The following POU6F2 variants were observed in gnomAD, a reference collection of about 807,000 sequenced individuals.
The protein encoded by POU6F2 is POU class 6 homeobox 2.
A neutral mutation model predicts 71.3 loss-of-function variants in POU6F2; 31 were observed. The ratio of observed to expected loss-of-function variants is 0.43; its 90% CI spans 0.33 to 0.59. The LOEUF is 0.59. Ranked by LOEUF, POU6F2 falls within the 20% of genes least tolerant of loss-of-function variation. The probability of loss-of-function intolerance (pLI) is 0.04; values close to 1 mark genes in which losing one functional copy is unlikely to be tolerated. For missense variants in POU6F2, 783 were observed against 856.8 expected, an observed-to-expected ratio of 0.91 and a Z score of 1.07; for synonymous variants, 347 against 355.7, an observed-to-expected ratio of 0.98 and a Z score of 0.27.
At chr7:39,270,757 C>T (rs1001865189) in intron 4 of POU6F2, among the ~76,000 whole-genome samples, 2 of 152,124 alleles carry the variant, frequency 1.3e-5, no homozygotes, top group African/African-American at 4.8e-5. Flanking sequence ...TATCAATTAG[C>T]TTACACATCT....
chr7:39,370,686 G>T (rs954897860), intron 5 of POU6F2, among the ~76,000 whole-genome samples: 2 of 152,238 alleles, frequency 1.3e-5, no homozygotes, highest in Non-Finnish European at 2.9e-5. Flanking sequence ...CATAGCTCAA[G>T]TGTTATTCTG....
At chr7:39,362,022 A>T (rs571621747) in intron 5 of POU6F2, among the ~76,000 whole-genome samples, 7 of 152,300 alleles carry the variant, frequency 4.6e-5, no homozygotes, top group African/African-American at 1.4e-4. Context: ...GGCTGCCATT[A>T]TCTGGTGGTG....
intron 5 of POU6F2, among the ~76,000 whole-genome samples, chr7:39,357,482 C>G (rs1402111136): frequency 6.6e-6 from 1 of 152,142 alleles, no homozygotes; most frequent in Non-Finnish European, 1.5e-5. Context: ...CGGTCTGACC[C>G]CAAGGGATCC....
intron 4 of POU6F2, among the ~76,000 whole-genome samples, chr7:39,310,916 T>C (rs1785150549): frequency 6.6e-6 from 1 of 152,008 alleles, no homozygotes; most frequent in African/African-American, 2.4e-5. Flanking sequence ...GGAAGAGGCA[T>C]GAAGCAGGAC....
At chr7:39,306,322 G>A (rs1785048146) in intron 4 of POU6F2, among the ~76,000 whole-genome samples, 1 of 152,210 alleles carries the variant, frequency 6.6e-6, no homozygotes. Flanking sequence ...ATCACTCATT[G>A]AATATCTTCT....
At chr7:39,252,399 G>GACACAC (rs55738894) in intron 4 of POU6F2, among the ~76,000 whole-genome samples, 33 of 144,266 alleles carry the variant, frequency 2.3e-4, no homozygotes, top group East Asian at 8.2e-4. Flanking sequence ...CAGACAGACA[G>GACACAC]ACACACACAC....
Position 39,207,481 on chromosome 7 carries a change from C to G in POU6F2, c.459C>G (p.Pro153=). Residue 153 remains proline (P), a synonymous_variant, in exon 4 of 10, where the codon CCC becomes CCG. Coordinates refer to ENST00000518318, the MANE Select transcript of POU6F2 (RefSeq NM_001370959.1). Reference sequence around the variant, plus strand: ...CCCTCAACCAGCCAATCCTCATTCCCTTCAACATGGCGGGACAGCTAGGAG... The same window carrying G: ...CCCTCAACCAGCCAATCCTCATTCCGTTCAACATGGCGGGACAGCTAGGAG... ...PPALNQPILI[P]FNMAGQLGGQ... 6.2e-7 allele frequency: 1 copy of G among 1,614,030 alleles called. No individual in the cohort carries two copies. The highest frequency in any genetic ancestry group is 1.1e-5 in the South Asian group (1 of 91,090).
intron 2 of POU6F2, among the ~76,000 whole-genome samples, chr7:39,122,094 C>T (rs1363061056): frequency 6.6e-6 from 1 of 152,174 alleles, no homozygotes; most frequent in African/African-American, 2.4e-5. Context: ...ATTCTCACAC[C>T]TAATTTGTAA....
At chr7:39,396,750 C>T (rs551233670) in intron 5 of POU6F2, among the ~76,000 whole-genome samples, 6 of 152,154 alleles carry the variant, frequency 3.9e-5, no homozygotes, top group Non-Finnish European at 7.4e-5. Context: ...CCTAGGGGCA[C>T]ATAGAATCCA....
intron 1 of POU6F2, among the ~76,000 whole-genome samples, chr7:39,060,541 G>T (rs1004312858): frequency 3.3e-5 from 5 of 152,190 alleles, no homozygotes; most frequent in Non-Finnish European, 5.9e-5. Context: ...AAAATCCCCA[G>T]ATAGGTCTAA....
At chr7:39,380,584 AGT>A (rs1786807817) in intron 5 of POU6F2, among the ~76,000 whole-genome samples, 1 of 152,244 alleles carries the variant, frequency 6.6e-6, no homozygotes, top group South Asian at 2.1e-4. Flanking sequence ...GGACAACATC[AGT>A]GTGAGAATAC....
At chr7:39,198,487 A>G (rs1052578037) in intron 2 of POU6F2, among the ~76,000 whole-genome samples, 1 of 152,330 alleles carries the variant, frequency 6.6e-6, no homozygotes, top group South Asian at 2.1e-4. Flanking sequence ...CTGGAGCCAG[A>G]TAAGTCACTC....
chr7:39,079,440 G>A (rs1011897689), intron 1 of POU6F2, among the ~76,000 whole-genome samples: 4 of 151,944 alleles, frequency 2.6e-5, no homozygotes, highest in Non-Finnish European at 5.9e-5. Flanking sequence ...GCCTCCCAAA[G>A]TGCTGGGATT....
chr7:39,106,459 T>A (rs1488339073), intron 2 of POU6F2, among the ~76,000 whole-genome samples: 1 of 152,194 alleles, frequency 6.6e-6, no homozygotes, highest in African/African-American at 2.4e-5. Flanking sequence ...GGGTTTGTAG[T>A]TTGCTTTTTT....
At chr7:39,249,399 C>T (rs1783876110) in intron 4 of POU6F2, among the ~76,000 whole-genome samples, 1 of 152,180 alleles carries the variant, frequency 6.6e-6, no homozygotes, top group African/African-American at 2.4e-5. Context: ...ACCACAGACG[C>T]TATAATGCAT....
intron 5 of POU6F2, among the ~76,000 whole-genome samples, chr7:39,378,418 A>T (rs547182871): frequency 6.6e-6 from 1 of 152,018 alleles, no homozygotes; most frequent in Non-Finnish European, 1.5e-5. Flanking sequence ...CCTTCCTGAA[A>T]CTTTGGTGAA....
chr7:39,120,617 C>T (rs1212098723), intron 2 of POU6F2, among the ~76,000 whole-genome samples: 1 of 152,166 alleles, frequency 6.6e-6, no homozygotes, highest in Non-Finnish European at 1.5e-5. Flanking sequence ...CCATTCTTCT[C>T]TATTTCATGT....
chr7:39,100,377 T>C (rs1791543876), intron 2 of POU6F2, among the ~76,000 whole-genome samples: 1 of 152,188 alleles, frequency 6.6e-6, no homozygotes, highest in South Asian at 2.1e-4. Context: ...ATTTACACAT[T>C]TTGGTTGAGA....
intron 2 of POU6F2, among the ~76,000 whole-genome samples, chr7:39,131,352 G>T (rs992780378): frequency 6.6e-6 from 1 of 152,102 alleles, no homozygotes; most frequent in African/African-American, 2.4e-5. Context: ...CATATTTGAC[G>T]AATAATTAAC....
Sources: gnomAD v4.1 joint callset for allele counts (sites outside exome capture counted in the v4.1 genomes callset) on GRCh38, gnomAD v4.1.1 for gene constraint, MANE v1.5 for transcripts, NCBI Gene and HGNC (gene_info 2026-07-23, HGNC 2026-07-21) for gene names.